The following NUP188 variants were observed in gnomAD, a reference collection of about 807,000 sequenced individuals.
NUP188 encodes the protein nucleoporin NUP188.
Under a neutral mutation model 223.0 loss-of-function variants are expected in NUP188, and 97 were observed. The ratio of observed to expected loss-of-function variants is 0.43; its 90% CI spans 0.37 to 0.51. The LOEUF is 0.51. Among genes scored for constraint, NUP188 ranks in the 20% least tolerant of loss-of-function variants. The pLI is 0.00. For missense variants in NUP188, 1,947 were observed against 2,175.6 expected, an observed-to-expected ratio of 0.89 and a Z score of 2.09; for synonymous variants, 869 against 828.0, an observed-to-expected ratio of 1.05 and a Z score of -0.85.
intron 14 of NUP188, 29 bp from the exon 15 acceptor site, chr9:128,981,235 A>C (rs1842249504): frequency 1.9e-6 from 3 of 1,608,548 alleles, no homozygotes; most frequent in Non-Finnish European, 2.5e-6. Context: ...CTGGAGGGAA[A>C]TGTGTGATGG....
At chr9:128,970,398 G>A (rs939464510) in intron 10 of NUP188, among the ~76,000 whole-genome samples, 1 of 152,132 alleles carries the variant, frequency 6.6e-6, no homozygotes, top group Non-Finnish European at 1.5e-5. Context: ...AGGAGCCTGT[G>A]AAAGAAGAGG....
At chr9:128,952,884 C>A in intron 3 of NUP188, 38 bp downstream of exon 3, 4 of 1,506,734 alleles carry the variant, frequency 2.7e-6, no homozygotes, top group South Asian at 2.3e-5. Flanking sequence ...AGTAATTGTC[C>A]TAAGGAAGCT....
chr9:128,985,208 G>A (rs545793091), intron 20 of NUP188, 194 bp downstream of exon 20: 5 of 486,142 alleles, frequency 1.0e-5, no homozygotes, highest in African/African-American at 2.0e-5. Context: ...ACTCTATTAG[G>A]TGCTTAATTA....
At chr9:128,989,491 G>A (rs999399625) in intron 24 of NUP188, among the ~76,000 whole-genome samples, 5 of 152,028 alleles carry the variant, frequency 3.3e-5, no homozygotes, top group African/African-American at 1.2e-4. Context: ...ACGAGGTCAG[G>A]AGTTTGAGAC....
In NUP188 at chr9:128,958,867, C is replaced by T. The variant is rs1415253259; in HGVS notation, c.438C>T (p.Tyr146=). 7 of 1,601,398 alleles carry T rather than the reference C, an allele frequency of 4.4e-6. No individual in the cohort carries two copies. The highest frequency in any genetic ancestry group is 3.4e-6 in the Non-Finnish European group (4 of 1,171,790). Residue 146 remains tyrosine (Y), a synonymous_variant, in exon 7 of 44, where the codon TAC becomes TAT. Coordinates refer to ENST00000372577, the MANE Select transcript of NUP188 (RefSeq NM_015354.3). ...ILRCVLHLLT[Y]FQDERHPYRV... is the part of the protein sequence containing the mutation. Reference sequence around the variant, plus strand: ...GTTGTGTCTTACACCTTCTCACTTACTTCCAAGATGAAAGACACCCCTATA... The same window carrying T: ...GTTGTGTCTTACACCTTCTCACTTATTTCCAAGATGAAAGACACCCCTATA...
At chr9:128,980,981 A>G (rs910222611) in intron 14 of NUP188, among the ~76,000 whole-genome samples, 1 of 152,244 alleles carries the variant, frequency 6.6e-6, no homozygotes, top group Admixed American at 6.5e-5. Context: ...TACTAGATAT[A>G]AGAAATAAAT....
At chr9:128,969,152 A>G (rs1233934587) in intron 9 of NUP188, among the ~76,000 whole-genome samples, 1 of 152,158 alleles carries the variant, frequency 6.6e-6, no homozygotes, top group African/African-American at 2.4e-5. Flanking sequence ...GAGCAAAGAT[A>G]TATACCAGTT....
At chr9:128,972,460 G>T (rs1842116895) in intron 11 of NUP188, among the ~76,000 whole-genome samples, 1 of 152,148 alleles carries the variant, frequency 6.6e-6, no homozygotes, top group East Asian at 1.9e-4. Flanking sequence ...GAATTAGGTA[G>T]AACACAGAGG....
chr9:128,969,042 C>G (rs1002993730), intron 9 of NUP188, among the ~76,000 whole-genome samples: 1 of 152,164 alleles, frequency 6.6e-6, no homozygotes, highest in Non-Finnish European at 1.5e-5. Flanking sequence ...TATATGCTTG[C>G]TCTTCTCTTT....
chr9:128,992,178 G>A (rs541210027), intron 25 of NUP188, among the ~76,000 whole-genome samples: 1 of 152,024 alleles, frequency 6.6e-6, no homozygotes, highest in East Asian at 1.9e-4. Context: ...TTACAGGCAT[G>A]AGCCACCGCG....
Position 128,983,540 on chromosome 9 carries a change from C to T in NUP188, c.1951C>T (p.Gln651Ter). ...FVAHPVSSLS[Q>*]MISAEGMNAG... ...GGCCCATCCTGTCTCCAGCCTGAGT[C>T]AGATGATTAGGTGAGCCAAGTCCTA... The change falls in exon 19 of 44, where the codon CAG becomes TAG. Residue 651 changes from glutamine to a stop codon, truncating the protein, a stop_gained. Coordinates refer to ENST00000372577, the MANE Select transcript of NUP188 (RefSeq NM_015354.3). LOFTEE classifies it high-confidence loss of function. The T allele has an allele frequency of 6.2e-7, 1 of 1,613,768 alleles. No homozygotes were observed. The highest frequency in any genetic ancestry group is 8.5e-7 in the Non-Finnish European group (1 of 1,179,754).
At position 128,993,353 on chromosome 9, in the gene NUP188, A is replaced by T; in HGVS notation, c.2797A>T (p.Ile933Phe). 4 of 1,614,214 alleles carry T rather than the reference A, an allele frequency of 2.5e-6. No individual in the cohort carries two copies. Among genetic ancestry groups the T allele is most frequent in the Non-Finnish European group, 3.4e-6 (4 of 1,180,028 alleles). Residue 933 changes from isoleucine (I) to phenylalanine (F), a missense_variant, in exon 26 of 44, where the codon ATC becomes TTC. Physicochemically the swap from Ile to Phe is conservative, Grantham distance 21 (BLOSUM62 0). Transcript: ENST00000372577. ...TVAVETQPGL[I>F]ELFLNLEVKD... ...TGCAGTAGAGACCCAGCCAGGCCTC[A>T]TCGAACTGTTTCTGAACCTGGAAGT...
Position 128,987,686 on chromosome 9 carries a change from A to G in NUP188, c.2362A>G (p.Ile788Val). Residue 788 changes from isoleucine to valine, a missense_variant, in exon 23 of 44, where the codon ATT becomes GTT. Ile to Val is a conservative substitution (Grantham distance 29, BLOSUM62 3). Coordinates refer to ENST00000372577, the MANE Select transcript of NUP188 (RefSeq NM_015354.3). ...INIMGIGVDTIDMVMAAQPRS... is the reference protein window; with the variant it reads ...INIMGIGVDTVDMVMAAQPRS... ...TATCATGGGCATTGGCGTGGACACC[A>G]TTGACATGGTGATGGCTGCTCAGCC... The G allele has an allele frequency of 6.2e-7, 1 of 1,614,114 alleles. No homozygotes were observed. The highest frequency in any genetic ancestry group is 8.5e-7 in the Non-Finnish European group (1 of 1,179,992).
chr9:128,975,472 T>C (rs1235647054), intron 12 of NUP188, among the ~76,000 whole-genome samples: 1 of 152,090 alleles, frequency 6.6e-6, no homozygotes, highest in Non-Finnish European at 1.5e-5. Context: ...TCCGCCCGCC[T>C]CAGCCTCCCA....
chr9:129,005,830 G>T, intron 41 of NUP188, 54 bp downstream of exon 41: 1 of 1,545,582 alleles, frequency 6.5e-7, no homozygotes, highest in Admixed American at 2.0e-5. Context: ...CCCCCTGCCT[G>T]CCACTTCCCA....
At chr9:128,989,176 C>T (rs1842380679) in intron 24 of NUP188, among the ~76,000 whole-genome samples, 1 of 151,850 alleles carries the variant, frequency 6.6e-6, no homozygotes, top group Non-Finnish European at 1.5e-5. Context: ...GGGGAGGATA[C>T]TTTGAGTCCA....
rs189518878 is a variant in NUP188, at chr9:128,993,040, G to C, written c.2641-157G>C. ...TCCTGTGAATTTGCGGGCATCTCAT[G>C]CTTGTTTGTGGTGATGTCCCTTTTA... On this transcript the variant is annotated intron_variant, in intron 25 of 43. Transcript: ENST00000372577. 4.6e-5 allele frequency: 29 copies of C among 627,030 alleles called. No homozygotes were observed. The East Asian group carries it at 7.6e-4, about 17-fold the overall frequency. The allele number at this position is 627,030 out of a possible 1,614,324, so 38.8% of individuals were successfully genotyped here.
In NUP188 at chr9:128,993,559, C is replaced by G; in HGVS notation, c.2882C>G (p.Ala961Gly). Reference sequence around the variant, plus strand: ...CTTGGGATGTGGAGCTGTCTCCATGCAGTGCTGGAGCTGATTGATTCCCAA... The same window carrying G: ...CTTGGGATGTGGAGCTGTCTCCATGGAGTGCTGGAGCTGATTGATTCCCAA... ...FSLGMWSCLH[A>G]VLELIDSQQQ... The change falls in exon 27 of 44, where the codon GCA (alanine) becomes GGA (glycine). Residue 961 changes from alanine (A) to glycine (G), a missense_variant. By Grantham distance (60) the Ala-to-Gly change is moderately conservative. Around this residue, in one of 3 missense-constraint regions of NUP188, gnomAD observed 905 missense variants for 990.6 expected, o/e 0.91. Coordinates refer to ENST00000372577, the MANE Select transcript of NUP188 (RefSeq NM_015354.3). 6.2e-7 allele frequency: 1 copy of G among 1,614,128 alleles called. No homozygotes were observed. Among genetic ancestry groups the G allele is most frequent in the Non-Finnish European group, 8.5e-7 (1 of 1,180,016 alleles).
chr9:128,985,123 A>G, intron 20 of NUP188, 109 bp downstream of exon 20: 1 of 725,220 alleles, frequency 1.4e-6, no homozygotes, highest in East Asian at 2.6e-5. Flanking sequence ...TCTTGTCTGT[A>G]GGCAGAATAG....
Sources: allele counts gnomAD v4.1 joint callset (sites outside exome capture counted in the v4.1 genomes callset), GRCh38; gene constraint gnomAD v4.1.1; regional missense constraint gnomAD v4.1.1; transcripts MANE v1.5; gene names NCBI Gene and HGNC (gene_info 2026-07-23, HGNC 2026-07-21).